The following RBFOX1 variants were observed in gnomAD, a reference collection of about 807,000 sequenced individuals.
RBFOX1 encodes the protein RNA binding fox-1 homolog 1, also known as RNA binding protein fox-1 homolog 1.
A neutral mutation model predicts 57.7 loss-of-function variants in RBFOX1; 8 were observed. The ratio of observed to expected loss-of-function variants is 0.14; its 90% CI spans 0.08 to 0.25. RBFOX1 has a LOEUF of 0.25. Among genes scored for constraint, RBFOX1 ranks in the 10% least tolerant of loss-of-function variants. The pLI is 1.00. For synonymous variants in RBFOX1, 326 were observed against 222.4 expected, an observed-to-expected ratio of 1.47 and a Z score of -4.15; for missense variants, 611 against 548.5, an observed-to-expected ratio of 1.11 and a Z score of -1.14.
At chr16:6,490,329 G>A (rs2095603867) in intron 2 of RBFOX1, among the ~76,000 whole-genome samples, 1 of 152,174 alleles carries the variant, frequency 6.6e-6, no homozygotes, top group African/African-American at 2.4e-5. Flanking sequence ...GAGCGTCAAT[G>A]AACTTCAGTT....
intron 4 of RBFOX1, among the ~76,000 whole-genome samples, chr16:7,502,171 T>C (rs1600169746): frequency 6.6e-6 from 1 of 152,320 alleles, no homozygotes; most frequent in South Asian, 2.1e-4. Context: ...TCATATTTTA[T>C]CGTCTTTGCC....
At chr16:6,698,026 A>T (rs570437630) in intron 3 of RBFOX1, among the ~76,000 whole-genome samples, 1 of 152,292 alleles carries the variant, frequency 6.6e-6, no homozygotes, top group African/African-American at 2.4e-5. Context: ...TCAGTAATTA[A>T]ACTAACTAGA....
intron 2 of RBFOX1, among the ~76,000 whole-genome samples, chr16:6,654,233 C>G (rs1568063653): frequency 6.6e-6 from 1 of 152,132 alleles, no homozygotes; most frequent in Non-Finnish European, 1.5e-5. Flanking sequence ...ACATATCTGA[C>G]TATCCTAAAT....
chr16:5,525,241 A>T (rs887606583), intron 2 of RBFOX1, among the ~76,000 whole-genome samples: 1 of 152,092 alleles, frequency 6.6e-6, no homozygotes, highest in African/African-American at 2.4e-5. Context: ...ACTTGGTCTG[A>T]TCACTGTTCC....
At chr16:5,387,841 T>G (rs756940393) in intron 1 of RBFOX1, among the ~76,000 whole-genome samples, 10 of 152,162 alleles carry the variant, frequency 6.6e-5, no homozygotes, top group Non-Finnish European at 1.5e-4. Flanking sequence ...TATCTGGGAT[T>G]GTCCCAGCGG....
chr16:6,298,205 G>T (rs1599347564), intron 1 of RBFOX1, among the ~76,000 whole-genome samples: 1 of 152,308 alleles, frequency 6.6e-6, no homozygotes, highest in Non-Finnish European at 1.5e-5. Flanking sequence ...CAATTGAAGA[G>T]ATGAGCCACA....
At chr16:6,809,852 CA>C (rs2087971975) in intron 3 of RBFOX1, among the ~76,000 whole-genome samples, 1 of 152,084 alleles carries the variant, frequency 6.6e-6, no homozygotes, top group South Asian at 2.1e-4. Context: ...AAGTGTAATT[CA>C]CCAGTCCGGT....
Position 6,949,226 on chromosome 16 carries a change from G to A in RBFOX1, c.-15-102831G>A, listed in dbSNP as rs538741149. 3.9e-5 allele frequency among the ~76,000 whole-genome samples: 6 copies of A among 152,112 alleles called. No homozygotes were observed. The East Asian group carries it at 1.2e-3, about 29-fold the overall frequency. The stretch of plus-strand genomic sequence containing the variant: ...GCTAAATTCCAGGATATAGAAACAA[G>A]CCTATAAAAAGCACCTTCATCAACA... On this transcript the variant is annotated intron_variant, in intron 3 of 15. Coordinates refer to ENST00000550418, the MANE Select transcript of RBFOX1 (RefSeq NM_018723.4).
chr16:6,085,038 G>T (rs576802982), intron 1 of RBFOX1, among the ~76,000 whole-genome samples: 1 of 152,128 alleles, frequency 6.6e-6, no homozygotes, highest in African/African-American at 2.4e-5. Flanking sequence ...TGTCCTCAGC[G>T]TGCGTGCTTC....
chr16:6,483,928 G>A, intron 2 of RBFOX1: 1 of 1,074,096 alleles, frequency 9.3e-7, no homozygotes, highest in Non-Finnish European at 1.1e-6. Flanking sequence ...TGTAAGCCGA[G>A]CTCCAGCTCC....
chr16:6,694,407 GA>G (rs542316511), intron 3 of RBFOX1, among the ~76,000 whole-genome samples: 35 of 152,154 alleles, frequency 2.3e-4, no homozygotes, highest in Non-Finnish European at 4.7e-4. Flanking sequence ...AACACAAGAA[GA>G]AAAAACTGGT....
intron 2 of RBFOX1, among the ~76,000 whole-genome samples, chr16:6,344,620 A>G (rs1308254866): frequency 3.4e-5 from 5 of 145,992 alleles, no homozygotes; most frequent in Admixed American, 6.9e-5. Context: ...GATGGTTTCC[A>G]TCTCCTGACC....
chr16:6,182,535 AT>A (rs2097071968), intron 1 of RBFOX1, among the ~76,000 whole-genome samples: 1 of 152,152 alleles, frequency 6.6e-6, no homozygotes, highest in Admixed American at 6.5e-5. Context: ...TGTAATTACT[AT>A]TTTTATTGCC....
At chr16:6,554,275 T>C (rs1201761279) in intron 2 of RBFOX1, among the ~76,000 whole-genome samples, 3 of 152,078 alleles carry the variant, frequency 2.0e-5, no homozygotes, top group Non-Finnish European at 4.4e-5. Flanking sequence ...AAATAAACAA[T>C]CTTCTTTCAT....
intron 3 of RBFOX1, among the ~76,000 whole-genome samples, chr16:6,860,565 A>G (rs905051580): frequency 6.6e-6 from 1 of 152,214 alleles, no homozygotes; most frequent in African/African-American, 2.4e-5. Context: ...CCCTAAATGC[A>G]CACATGAAGG....
At chr16:6,576,755 A>G (rs944222474) in intron 2 of RBFOX1, among the ~76,000 whole-genome samples, 1 of 152,206 alleles carries the variant, frequency 6.6e-6, no homozygotes, top group South Asian at 2.1e-4. Flanking sequence ...TTAGGGATTT[A>G]TGCTAGATAA....
At chr16:7,534,047 C>G (rs902709885) in intron 5 of RBFOX1, among the ~76,000 whole-genome samples, 1 of 151,666 alleles carries the variant, frequency 6.6e-6, no homozygotes, top group Non-Finnish European at 1.5e-5. Context: ...GAACTCAGAT[C>G]CAGCCCTGAT....
chr16:5,998,784 G>C (rs765409347), intron 4 of RBFOX1, among the ~76,000 whole-genome samples: 1 of 152,082 alleles, frequency 6.6e-6, no homozygotes, highest in African/African-American at 2.4e-5. Flanking sequence ...CTGGTCTGTC[G>C]GCATCTTCTT....
intron 4 of RBFOX1, among the ~76,000 whole-genome samples, chr16:7,330,669 G>T (rs1184323509): frequency 6.6e-6 from 1 of 152,002 alleles, no homozygotes; most frequent in Admixed American, 6.6e-5. Flanking sequence ...TCTCTTCTAT[G>T]CTCAGGAAAC....
Sources: allele counts gnomAD v4.1 joint callset (sites outside exome capture counted in the v4.1 genomes callset), GRCh38; gene constraint gnomAD v4.1.1; transcripts MANE v1.5; gene names NCBI Gene and HGNC (gene_info 2026-07-23, HGNC 2026-07-21).